The following WNT7B variants were observed in gnomAD, a reference collection of about 807,000 sequenced individuals.
The protein encoded by WNT7B is Wnt family member 7B.
A neutral mutation model predicts 38.2 loss-of-function variants in WNT7B; 19 were observed. That is an observed-to-expected ratio of 0.50 (90% CI 0.35 to 0.73). The LOEUF is 0.73. Ranked by LOEUF, WNT7B falls within the 30% of genes least tolerant of loss-of-function variation. WNT7B has a pLI of 0.01. For synonymous variants in WNT7B, 243 were observed against 209.3 expected (o/e 1.16, Z -1.39); for missense variants, 423 against 507.9 (o/e 0.83, Z 1.61).
chr22:45,936,482 A>G (rs1031782899), intron 2 of WNT7B, among the ~76,000 whole-genome samples: 1 of 152,222 alleles, frequency 6.6e-6, no homozygotes, highest in East Asian at 1.9e-4. Context: ...GTCCCCTCAA[A>G]TCCAGAGTAT....
chr22:45,943,594 C>G (rs533364911), intron 2 of WNT7B, among the ~76,000 whole-genome samples: 10 of 152,216 alleles, frequency 6.6e-5, no homozygotes, highest in African/African-American at 2.4e-4. Flanking sequence ...CCTTCCTCCC[C>G]GGGGCTGCCC....
chr22:45,923,477 C>T, intron 3 of WNT7B, 142 bp from the exon 4 acceptor site: 1 of 1,265,490 alleles, frequency 7.9e-7, no homozygotes, highest in South Asian at 1.6e-5. Flanking sequence ...CTCTCCCTCT[C>T]TGACCCTCAG....
chr22:45,933,706 C>T (rs1257635109), intron 2 of WNT7B, among the ~76,000 whole-genome samples: 1 of 152,180 alleles, frequency 6.6e-6, no homozygotes, highest in Non-Finnish European at 1.5e-5. Context: ...GAGGTTACAT[C>T]TTAAGTGGGT....
rs1244649503 is a variant in WNT7B at position 45,966,926 on chromosome 22, G to A, written c.71+9758C>T. 1.4e-5 allele frequency among the ~76,000 whole-genome samples: 2 copies of A among 145,686 alleles called. No homozygotes were observed. The highest frequency in any genetic ancestry group is 3.1e-5 in the Non-Finnish European group (2 of 65,380). ...CCCAGCATCCCCGGCCCTCACTCCT[G>A]CATCTGCTTGTATGCCTCCGGGGCT... is the stretch of plus-strand genomic sequence containing the variant. On this transcript the variant is annotated intron_variant, in intron 1 of 3. Transcript: ENST00000339464. The surrounding 1 kb of genome is among the most constrained non-coding windows in gnomAD (Gnocchi z 4.2).
intron 2 of WNT7B, among the ~76,000 whole-genome samples, chr22:45,940,561 G>T (rs117838410): frequency 6.6e-6 from 1 of 152,238 alleles, no homozygotes; most frequent in South Asian, 2.1e-4. Flanking sequence ...AATCCCAGGG[G>T]TGAGGCTCTC....
chr22:45,926,160 A>T (rs543427660), intron 3 of WNT7B: 4 of 985,274 alleles, frequency 4.1e-6, no homozygotes, highest in Non-Finnish European at 4.8e-6. Flanking sequence ...CTTGGGTCAG[A>T]GCCTCTCCCA....
intron 2 of WNT7B, among the ~76,000 whole-genome samples, chr22:45,933,313 G>A (rs777085857): frequency 2.0e-4 from 30 of 152,312 alleles, no homozygotes; most frequent in Non-Finnish European, 3.2e-4. Context: ...CACAGCCCCT[G>A]CCTTTGAAGG....
chr22:45,929,491 C>CCCATCTGTACATCCACCCATCTGTACAT (rs138747251), intron 3 of WNT7B, among the ~76,000 whole-genome samples: 19 of 73,254 alleles, frequency 2.6e-4, no homozygotes, highest in African/African-American at 6.2e-4. Context: ...TGTACATCCA[C>CCCATCTGTACATCCACCCATCTGTACAT]CCACCCACCC....
intron 3 of WNT7B, among the ~76,000 whole-genome samples, chr22:45,929,939 T>TACATCTAC (rs113204215): frequency 0.28 from 26,180 of 94,544 alleles, 2,364 homozygotes; most frequent in African/African-American, 0.37. Flanking sequence ...CACCCACTCA[T>TACATCTAC]CCTTCCATCC....
In WNT7B at chr22:45,950,172, G is replaced by A. The variant is rs371763291; in HGVS notation, c.72-26C>T. ...CTGTGGAGGGGAGGAGACAGAGGCC[G>A]TGAGACGGCGGCGGCCAGCGCCCCT... On this transcript the variant is annotated intron_variant, in intron 1 of 3. Coordinates refer to ENST00000339464, the MANE Select transcript of WNT7B (RefSeq NM_058238.3). 63 of 1,594,954 alleles carry A rather than the reference G, an allele frequency of 3.9e-5. 1 individual carries two copies. Among genetic ancestry groups the A allele is most frequent in the African/African-American group, 3.1e-4 (23 of 74,634 alleles).
rs561701124 is a variant in WNT7B, at chr22:45,970,841, C to T, written c.71+5843G>A. On this transcript the variant is annotated intron_variant, in intron 1 of 3. Coordinates refer to ENST00000339464, the MANE Select transcript of WNT7B (RefSeq NM_058238.3). The stretch of plus-strand genomic sequence containing the variant: ...ACTTTATCAGCCTGGGTCCCCACTG[C>T]TCAGGCGGTCCCCACCCGCATGCGC... Among the ~76,000 whole-genome samples, 28 of 152,348 alleles carry T rather than the reference C, an allele frequency of 1.8e-4. 1 individual carries two copies. The South Asian group carries it at 5.6e-3, about 30-fold the overall frequency.
chr22:45,955,129 T>C lies in WNT7B; in HGVS notation c.72-4983A>G, dbSNP rs1932028229. Among the ~76,000 whole-genome samples the C allele has an allele frequency of 2.0e-5, 3 of 152,248 alleles. No homozygotes were observed. In the South Asian group the frequency reaches 6.2e-4, roughly 31 times the overall value. On this transcript the variant is annotated intron_variant, in intron 1 of 3. Coordinates refer to ENST00000339464, the MANE Select transcript of WNT7B (RefSeq NM_058238.3). Reference sequence around the variant, plus strand: ...AGGCTGTGCAGCAATTCATTCCAGGTGCACAGGCGGCTCCCATGCAGCTGC... The same window carrying C: ...AGGCTGTGCAGCAATTCATTCCAGGCGCACAGGCGGCTCCCATGCAGCTGC...
At chr22:45,967,813 C>T (rs945391106) in intron 1 of WNT7B, among the ~76,000 whole-genome samples, 12 of 152,118 alleles carry the variant, frequency 7.9e-5, no homozygotes, top group South Asian at 2.1e-4. Flanking sequence ...AATGTGCCGT[C>T]GGCGCCTCAA....
chr22:45,961,686 G>A (rs1433225037), intron 1 of WNT7B, among the ~76,000 whole-genome samples: 1 of 152,172 alleles, frequency 6.6e-6, no homozygotes, highest in African/African-American at 2.4e-5. Context: ...GCCCAGCTCA[G>A]GAATGAGGCC....
At chr22:45,929,458 G>T (rs915977729) in intron 3 of WNT7B, among the ~76,000 whole-genome samples, 2 of 114,964 alleles carry the variant, frequency 1.7e-5, no homozygotes, top group East Asian at 4.7e-4. Flanking sequence ...CCTTTGATTC[G>T]TCCATCTACT....
At position 45,954,609 on chromosome 22, in the gene WNT7B, G is replaced by A. The variant is rs534964096; in HGVS notation, c.72-4463C>T. 6.8e-5 allele frequency: 67 copies of A among 985,350 alleles called. No homozygotes were observed. The South Asian group carries it at 1.6e-3, about 23-fold the overall frequency. 61.0% of individuals were successfully genotyped at this position (985,350 alleles called of 1,614,324 possible). On this transcript the variant is annotated intron_variant, in intron 1 of 3. Transcript: ENST00000339464. The stretch of plus-strand genomic sequence containing the variant: ...ACTAGAGCCCCCAGCAGCCCCCTGC[G>A]TGCCCGTGCATGGGTTAAAGGGGAA...
In WNT7B at chr22:45,959,395, G is replaced by T. The variant is rs547508604; in HGVS notation, c.72-9249C>A. ...CCTGCGTTTAAAACTGGGGGATGGGGTGGTGAGGATTATGAGGGTGAAACC... is the reference window on the plus strand; with the variant it reads ...CCTGCGTTTAAAACTGGGGGATGGGTTGGTGAGGATTATGAGGGTGAAACC... On this transcript the variant is annotated intron_variant, in intron 1 of 3. Coordinates refer to ENST00000339464, the MANE Select transcript of WNT7B (RefSeq NM_058238.3). 5.9e-5 allele frequency among the ~76,000 whole-genome samples: 9 copies of T among 152,332 alleles called. No individual in the cohort carries two copies. In the East Asian group the frequency reaches 1.7e-3, roughly 29 times the overall value.
intron 1 of WNT7B, among the ~76,000 whole-genome samples, chr22:45,956,322 G>A (rs1444920807): frequency 6.6e-6 from 1 of 152,252 alleles, no homozygotes; most frequent in South Asian, 2.1e-4. Context: ...CTGGCCTGCA[G>A]TGACAGCCCT....
chr22:45,976,546 G>T lies in WNT7B; in HGVS notation c.71+138C>A. 1.1e-6 allele frequency: 1 copy of T among 915,512 alleles called. No individual in the cohort carries two copies. The highest frequency in any genetic ancestry group is 1.6e-5 in the South Asian group (1 of 61,064). 56.7% of individuals were successfully genotyped at this position (915,512 alleles called of 1,614,324 possible). ...CTCTGCTGGCGTGGGGCGAGGGTCTGACACACGGGCCAGCCCCGGAGCCCA... is the reference window on the plus strand; with the variant it reads ...CTCTGCTGGCGTGGGGCGAGGGTCTTACACACGGGCCAGCCCCGGAGCCCA... On this transcript the variant is annotated intron_variant, in intron 1 of 3. Coordinates refer to ENST00000339464, the MANE Select transcript of WNT7B (RefSeq NM_058238.3). This position sits in a 1 kb window ranked among gnomAD's most constrained non-coding sequence, Gnocchi z 8.5.
Sources: gnomAD v4.1 joint callset for allele counts (sites outside exome capture counted in the v4.1 genomes callset) on GRCh38, gnomAD v4.1.1 for gene constraint, Gnocchi (gnomAD v3.1) non-coding constraint, MANE v1.5 for transcripts, NCBI Gene and HGNC (gene_info 2026-07-23, HGNC 2026-07-21) for gene names.